Variants in SRRD observed in about 807,000 individuals in gnomAD.
SRRD encodes SRR1 domain containing.
Under a neutral mutation model 30.7 loss-of-function variants are expected in SRRD, and 28 were observed. That is an observed-to-expected ratio of 0.91 (90% CI 0.68 to 1.25). The LOEUF is 1.25. SRRD is among the 50% of genes most tolerant of loss of function. The pLI is 0.00. For synonymous variants in SRRD, 161 were observed against 159.6 expected, an observed-to-expected ratio of 1.01 and a Z score of -0.07; for missense variants, 415 against 417.3, an observed-to-expected ratio of 0.99 and a Z score of 0.05.
At chr22:26,488,620 T>G in intron 4 of SRRD, 132 bp downstream of exon 4, 1 of 692,722 alleles carries the variant, frequency 1.4e-6, no homozygotes, top group East Asian at 2.7e-5. Context: ...ACTTTTGTAG[T>G]GCCTGAACGA....
intron 1 of SRRD, among the ~76,000 whole-genome samples, chr22:26,484,782 G>C (rs967666157): frequency 2.0e-5 from 3 of 152,082 alleles, no homozygotes; most frequent in Non-Finnish European, 2.9e-5. Context: ...AAAGTACATA[G>C]AGAGTGCCTA....
chr22:26,488,185 C>G lies in SRRD; in HGVS notation c.407C>G (p.Thr136Ser). 6.2e-7 allele frequency: 1 copy of G among 1,614,216 alleles called. No individual in the cohort carries two copies. The highest frequency in any genetic ancestry group is 8.5e-7 in the Non-Finnish European group (1 of 1,180,036). The change falls in exon 3 of 7, where the codon ACC (threonine) becomes AGC (serine). Residue 136 changes from threonine to serine, a missense_variant. Thr to Ser is a moderately conservative substitution (Grantham distance 58). Transcript: ENST00000215917. ...SIPREILVTG[T>S]CHLKCVCYGI... ...CCAAGAGAGATCTTGGTCACAGGAA[C>G]CTGCCATTTGAAGTGTGTGTGTTAC... is the stretch of plus-strand genomic sequence containing the variant.
chr22:26,490,920 A>C, intron 5 of SRRD, 105 bp from the exon 6 acceptor site: 2 of 1,026,844 alleles, frequency 1.9e-6, no homozygotes, highest in Non-Finnish European at 2.9e-6. Flanking sequence ...ACTATGCTTC[A>C]ATCATCTTGC....
At position 26,492,337 on chromosome 22, in the gene SRRD, G is replaced by A; in HGVS notation, c.*665G>A. 1 of 1,614,186 alleles carries A rather than the reference G, an allele frequency of 6.2e-7. No homozygotes were observed. Among genetic ancestry groups the A allele is most frequent in the Non-Finnish European group, 8.5e-7 (1 of 1,180,026 alleles). ...GCTCCGTGTGGGTGAGATAGGCAAT[G>A]TTCTCCCGTGCTCCTGGCTGCATGT... On this transcript the variant is annotated 3_prime_UTR_variant, in exon 7 of 7. Coordinates refer to ENST00000215917, the MANE Select transcript of SRRD (RefSeq NM_001013694.3).
intron 3 of SRRD, 39 bp downstream of exon 3, chr22:26,488,327 G>A: frequency 1.2e-6 from 2 of 1,613,374 alleles, no homozygotes; most frequent in Non-Finnish European, 1.7e-6. Context: ...TCCTCCTCTG[G>A]TCCTATACAT....
intron 5 of SRRD, chr22:26,490,707 A>G (rs1921058705): frequency 3.4e-6 from 1 of 293,532 alleles, no homozygotes; most frequent in African/African-American, 2.2e-5. Flanking sequence ...GGGATTACAG[A>G]TGCACACCAG....
chr22:26,485,513 C>T (rs2091690454), intron 1 of SRRD, among the ~76,000 whole-genome samples: 1 of 152,196 alleles, frequency 6.6e-6, no homozygotes. Flanking sequence ...AAAGCCCAGA[C>T]ACTTGGTTTT....
At position 26,492,027 on chromosome 22, in the gene SRRD, CGATCAGGCTCTGCAGTGAGGTG is replaced by C. The variant is rs1465378564; in HGVS notation, c.*357_*378del. The C allele has an allele frequency of 1.9e-6, 3 of 1,598,032 alleles. No homozygotes were observed. The African/African-American group carries it at 4.0e-5, about 21-fold the overall frequency. On this transcript the variant is annotated 3_prime_UTR_variant, in exon 7 of 7. Transcript: ENST00000215917. The stretch of plus-strand genomic sequence containing the variant: ...CCTGCCACAGTTCACTTGGCCATGT[CGATCAGGCTCTGCAGTGAGGTG>C]GGCACCCACGTCTTCTCGCCCTGGA...
At position 26,492,452 on chromosome 22, in the gene SRRD, G is replaced by A; in HGVS notation, c.*780G>A. The A allele has an allele frequency of 6.3e-6, 8 of 1,264,110 alleles. No individual in the cohort carries two copies. The highest frequency in any genetic ancestry group is 7.9e-6 in the Non-Finnish European group (7 of 887,758). 78.3% of individuals were successfully genotyped at this position (1,264,110 alleles called of 1,614,324 possible). On this transcript the variant is annotated 3_prime_UTR_variant, in exon 7 of 7. Transcript: ENST00000215917. ...CACTGTGGCTTGGCCCAGGTCTTGG[G>A]TGTGCCAGAGTGCTTGTGACTCACT... is the stretch of plus-strand genomic sequence containing the variant.
At chr22:26,490,730 A>AT in intron 5 of SRRD, 1 of 331,314 alleles carries the variant, frequency 3.0e-6, no homozygotes, top group East Asian at 6.4e-5. Context: ...CGCCCGGCTG[A>AT]TTTTTTTATT....
rs1921581883 is a variant in SRRD, at chr22:26,493,995, G to T, written c.*2323G>T. On this transcript the variant is annotated 3_prime_UTR_variant, in exon 7 of 7. Transcript: ENST00000215917. ...GCTGACCATGTACCCCAGTCAGCAGGGTGAGAGTCTGTTGCTATGTGCAAA... is the reference window on the plus strand; with the variant it reads ...GCTGACCATGTACCCCAGTCAGCAGTGTGAGAGTCTGTTGCTATGTGCAAA... The T allele has an allele frequency of 3.5e-6, 3 of 857,932 alleles. No individual in the cohort carries two copies. The highest frequency in any genetic ancestry group is 3.6e-5 in the South Asian group (2 of 56,276). 53.1% of individuals were successfully genotyped at this position (857,932 alleles called of 1,614,324 possible).
chr22:26,491,435 G>A, intron 6 of SRRD, 28 bp from the exon 7 acceptor site: 1 of 1,575,268 alleles, frequency 6.3e-7, no homozygotes, highest in Non-Finnish European at 8.7e-7. Flanking sequence ...ACTATCTGAA[G>A]TTTTTATACT....
chr22:26,486,635 C>G (rs544524125), intron 2 of SRRD, among the ~76,000 whole-genome samples: 6 of 152,220 alleles, frequency 3.9e-5, no homozygotes, highest in Admixed American at 2.0e-4. Flanking sequence ...CCTACAGCTT[C>G]CCAAAGCGCT....
At chr22:26,490,227 A>T (rs1409072418) in intron 5 of SRRD, 29 bp downstream of exon 5, 1 of 1,612,584 alleles carries the variant, frequency 6.2e-7, no homozygotes, top group East Asian at 2.2e-5. Flanking sequence ...AGATTCTGTC[A>T]GGCCCTGAGG....
At chr22:26,491,149 G>T in intron 6 of SRRD, 79 bp downstream of exon 6, 3 of 1,457,224 alleles carry the variant, frequency 2.1e-6, no homozygotes, top group South Asian at 1.2e-5. Flanking sequence ...ACAGGCGTAG[G>T]AGGAAACTCA....
chr22:26,486,202 C>A, intron 2 of SRRD, 139 bp downstream of exon 2: 1 of 862,158 alleles, frequency 1.2e-6, no homozygotes, highest in Non-Finnish European at 1.8e-6. Context: ...TGTCTTTTGG[C>A]ACTTAATTCT....
rs2147114434 is a variant in SRRD at position 26,492,010 on chromosome 22, A to G, written c.*338A>G. Reference sequence around the variant, plus strand: ...CTCTGACTGGTTCTGGACCTGCCACAGTTCACTTGGCCATGTCGATCAGGC... The same window carrying G: ...CTCTGACTGGTTCTGGACCTGCCACGGTTCACTTGGCCATGTCGATCAGGC... On this transcript the variant is annotated 3_prime_UTR_variant, in exon 7 of 7. Coordinates refer to ENST00000215917, the MANE Select transcript of SRRD (RefSeq NM_001013694.3). 6.3e-7 allele frequency: 1 copy of G among 1,587,256 alleles called. No individual in the cohort carries two copies. Among genetic ancestry groups the G allele is most frequent in the Non-Finnish European group, 8.6e-7 (1 of 1,166,622 alleles).
At chr22:26,490,558 G>GTTTT (rs1491237870) in intron 5 of SRRD, among the ~76,000 whole-genome samples, 1 of 25,708 alleles carries the variant, frequency 3.9e-5, no homozygotes, top group African/African-American at 9.7e-5. Flanking sequence ...TGGAATATTT[G>GTTTT]CTTTTTTTTT....
In SRRD at chr22:26,488,133, G is replaced by T. The variant is rs769576382; in HGVS notation, c.355G>T (p.Glu119Ter). 3 of 1,614,062 alleles carry T rather than the reference G, an allele frequency of 1.9e-6. No individual in the cohort carries two copies. Among genetic ancestry groups the T allele is most frequent in the East Asian group, 2.2e-5 (1 of 44,890 alleles). Residue 119 changes from glutamate (E) to a stop codon, truncating the protein, a stop_gained, in exon 3 of 7, where the codon GAG becomes TAG. Coordinates refer to ENST00000215917, the MANE Select transcript of SRRD (RefSeq NM_001013694.3). LOFTEE classifies it high-confidence loss of function. ...GNLHLDSLPEESDVATDSIPR... is the reference protein window; with the variant it reads ...GNLHLDSLPE The stretch of plus-strand genomic sequence containing the variant: ...CCTGCATCTTGACTCATTGCCAGAG[G>T]AGTCAGATGTGGCCACTGATTCTAT...
Sources: allele counts gnomAD v4.1 joint callset (sites outside exome capture counted in the v4.1 genomes callset), GRCh38; gene constraint gnomAD v4.1.1; transcripts MANE v1.5; gene names NCBI Gene and HGNC (gene_info 2026-07-23, HGNC 2026-07-21).